PLEKHG3: variants seen among roughly 807,000 people sequenced by gnomAD.
PLEKHG3 encodes the protein pleckstrin homology and RhoGEF domain containing G3.
In PLEKHG3, 62 loss-of-function variants were observed where a neutral mutation model predicts 94.9. The ratio of observed to expected loss-of-function variants is 0.65; its 90% CI spans 0.53 to 0.81. The LOEUF (loss-of-function observed/expected upper bound fraction) is 0.81. PLEKHG3 is among the 30% of genes least tolerant of loss of function. The probability of loss-of-function intolerance (pLI) is 0.00; values close to 1 mark genes in which losing one functional copy is unlikely to be tolerated. For missense variants in PLEKHG3, 1,461 were observed against 1,619.3 expected (o/e 0.90, Z 1.68); for synonymous variants, 614 against 654.0 (o/e 0.94, Z 0.93).
intron 16 of PLEKHG3, 105 bp from the exon 17 acceptor site, chr14:64,742,877 A>C: frequency 8.9e-7 from 1 of 1,120,532 alleles, no homozygotes; most frequent in Non-Finnish European, 1.3e-6. Flanking sequence ...CCAAAACCCC[A>C]ACAACCAGCC....
At chr14:64,705,244 C>A (rs979996988) in intron 1 of PLEKHG3, among the ~76,000 whole-genome samples, 2 of 152,238 alleles carry the variant, frequency 1.3e-5, no homozygotes, top group Admixed American at 1.3e-4. Flanking sequence ...GCCCGGCCAC[C>A]AGCTGCCTCG....
Position 64,743,470 on chromosome 14 carries a change from C to A in PLEKHG3, c.3427C>A (p.Arg1143=), listed in dbSNP as rs368387962. The change falls in exon 17 of 17, where the codon CGG becomes AGG. Residue 1143 remains arginine, a synonymous_variant. Coordinates refer to ENST00000247226, the MANE Select transcript of PLEKHG3 (RefSeq NM_001308147.2). The surrounding 1 kb of genome is among the most constrained non-coding windows in gnomAD (Gnocchi z 7.2). ...AGACCTCACCCTGGAGGACAACCGG[C>A]GGGTGATTGTCATGGAGAAGGGACC... ...TADLTLEDNR[R]VIVMEKGPLP... is the part of the protein sequence containing the mutation. 6.2e-7 allele frequency: 1 copy of A among 1,613,144 alleles called. No homozygotes were observed. The highest frequency in any genetic ancestry group is 1.1e-5 in the South Asian group (1 of 91,086).
At chr14:64,734,400 T>C (rs1300231161) in intron 12 of PLEKHG3, among the ~76,000 whole-genome samples, 1 of 152,242 alleles carries the variant, frequency 6.6e-6, no homozygotes, top group Non-Finnish European at 1.5e-5. Context: ...ACGTTGGTGG[T>C]AGTGATAGTA....
At position 64,726,080 on chromosome 14, in the gene PLEKHG3, T is replaced by C. The variant is rs2081347207; in HGVS notation, c.-39-1513T>C. Among the ~76,000 whole-genome samples, 1 of 152,112 alleles carries C rather than the reference T, an allele frequency of 6.6e-6. No homozygotes were observed. The highest frequency in any genetic ancestry group is 2.1e-4 in the South Asian group (1 of 4,828). Reference sequence around the variant, plus strand: ...GAAGGTTCCTGGAGGGGGCGATGTCTAATTGGAGACCTAAAGATTGGATGT... The same window carrying C: ...GAAGGTTCCTGGAGGGGGCGATGTCCAATTGGAGACCTAAAGATTGGATGT... On this transcript the variant is annotated intron_variant, in intron 1 of 16. Transcript: ENST00000247226. The surrounding 1 kb of genome is among the most constrained non-coding windows in gnomAD (Gnocchi z 5.1).
Position 64,725,044 on chromosome 14 carries a change from C to G in PLEKHG3, c.-39-2549C>G, listed in dbSNP as rs893979388. Among the ~76,000 whole-genome samples the G allele has an allele frequency of 1.3e-5, 2 of 152,222 alleles. No individual in the cohort carries two copies. Among genetic ancestry groups the G allele is most frequent in the African/African-American group, 4.8e-5 (2 of 41,430 alleles). On this transcript the variant is annotated intron_variant, in intron 1 of 16. Transcript: ENST00000247226. This position sits in a 1 kb window ranked among gnomAD's most constrained non-coding sequence, Gnocchi z 5.0. ...AGTTTGCAGACAGGTAGCCTATGAT[C>G]AATCAGAGAGAAAACTTCTGTAAGT... is the stretch of plus-strand genomic sequence containing the variant.
intron 1 of PLEKHG3, among the ~76,000 whole-genome samples, chr14:64,719,946 G>A (rs1158732000): frequency 6.6e-6 from 1 of 152,198 alleles, no homozygotes; most frequent in Non-Finnish European, 1.5e-5. Context: ...GATTTCCAGG[G>A]GGTAATTTCT....
In PLEKHG3 at chr14:64,741,902, A is replaced by G; in HGVS notation, c.2385A>G (p.Ala795=). ...ALFELPGPSQ[A]VKGDPPPISD... is the part of the protein sequence containing the mutation. ...TTGAGCTCCCAGGACCAAGCCAGGC[A>G]GTCAAAGGGGACCCACCTCCCATCT... The change falls in exon 16 of 17, where the codon GCA becomes GCG. Residue 795 remains alanine (A), a synonymous_variant. Coordinates refer to ENST00000247226, the MANE Select transcript of PLEKHG3 (RefSeq NM_001308147.2). 1 of 1,599,518 alleles carries G rather than the reference A, an allele frequency of 6.3e-7. No homozygotes were observed. Among genetic ancestry groups the G allele is most frequent in the South Asian group, 1.1e-5 (1 of 89,142 alleles).
intron 12 of PLEKHG3, among the ~76,000 whole-genome samples, chr14:64,734,179 C>T (rs893764634): frequency 2.0e-5 from 3 of 152,016 alleles, no homozygotes; most frequent in African/African-American, 7.3e-5. Context: ...GATCTTGAGC[C>T]CTAGGCCACC....
Position 64,727,625 on chromosome 14 carries a change from T to G in PLEKHG3, c.-7T>G. 1 of 1,581,510 alleles carries G rather than the reference T, an allele frequency of 6.3e-7. No homozygotes were observed. Among genetic ancestry groups the G allele is most frequent in the East Asian group, 2.3e-5 (1 of 44,080 alleles). Reference sequence around the variant, plus strand: ...CTGGGGTGCCCTCCCCAGGCAGCAATGCCAGGATGCCTGTGTCCACCTCCC... The same window carrying G: ...CTGGGGTGCCCTCCCCAGGCAGCAAGGCCAGGATGCCTGTGTCCACCTCCC... On this transcript the variant is annotated 5_prime_UTR_variant, in exon 2 of 17. The change abolishes an upstream ATG in the 5' untranslated region. Coordinates refer to ENST00000247226, the MANE Select transcript of PLEKHG3 (RefSeq NM_001308147.2). This position sits in a 1 kb window ranked among gnomAD's most constrained non-coding sequence, Gnocchi z 6.0.
At chr14:64,724,920 T>G (rs1249955838) in intron 1 of PLEKHG3, among the ~76,000 whole-genome samples, 1 of 152,120 alleles carries the variant, frequency 6.6e-6, no homozygotes, top group Admixed American at 6.6e-5. Context: ...CCTTCTGGAG[T>G]TGTTGCAAGG....
chr14:64,730,897 C>T lies in PLEKHG3; in HGVS notation c.665C>T (p.Ser222Phe), dbSNP rs1260627384. 1.9e-6 allele frequency: 3 copies of T among 1,613,194 alleles called. No homozygotes were observed. The highest frequency in any genetic ancestry group is 1.1e-5 in the South Asian group (1 of 91,082). The stretch of plus-strand genomic sequence containing the variant: ...CTACAGCACTCGCTGCCCTTGGGCT[C>T]CTACCTGCTGAAGCCAGTCCAGCGC... The part of the protein sequence containing the change: ...ELLQHSLPLG[S>F]YLLKPVQRIL... Residue 222 changes from serine to phenylalanine, a missense_variant, in exon 6 of 17, where the codon TCC (serine) becomes TTC (phenylalanine). Physicochemically the swap from Ser to Phe is radical, Grantham distance 155. This residue lies in a region of PLEKHG3 where 253 missense variants were observed against 297.8 expected (regional missense o/e 0.85). Transcript: ENST00000247226. This position sits in a 1 kb window ranked among gnomAD's most constrained non-coding sequence, Gnocchi z 5.4.
chr14:64,706,300 C>A (rs1179133515), intron 1 of PLEKHG3, among the ~76,000 whole-genome samples: 1 of 152,152 alleles, frequency 6.6e-6, no homozygotes, highest in African/African-American at 2.4e-5. Context: ...GGCAGCAGAG[C>A]CCAGAGGGGT....
In PLEKHG3 at chr14:64,730,400, C is replaced by A; in HGVS notation, c.519+88C>A. The A allele has an allele frequency of 1.1e-6, 1 of 911,328 alleles. No homozygotes were observed. The highest frequency in any genetic ancestry group is 1.4e-5 in the South Asian group (1 of 70,804). The allele number at this position is 911,328 out of a possible 1,614,324, so 56.5% of individuals were successfully genotyped here. A position where few individuals can be genotyped will look rare whatever the true frequency, so the allele number is the denominator to read the frequency against. ...GCCAGCATAAGAGGACATCTGAGTCCTGGGGATTCCTTTCCAGGGAAAGTC... is the reference window on the plus strand; with the variant it reads ...GCCAGCATAAGAGGACATCTGAGTCATGGGGATTCCTTTCCAGGGAAAGTC... On this transcript the variant is annotated intron_variant, in intron 4 of 16. Coordinates refer to ENST00000247226, the MANE Select transcript of PLEKHG3 (RefSeq NM_001308147.2). This position sits in a 1 kb window ranked among gnomAD's most constrained non-coding sequence, Gnocchi z 5.4.
rs200228159 is a variant in PLEKHG3, at chr14:64,749,447, G to A, written c.*5744G>A. 215 of 1,602,284 alleles carry A rather than the reference G, an allele frequency of 1.3e-4. No individual in the cohort carries two copies. In the East Asian group the frequency reaches 4.4e-3, roughly 32 times the overall value. On this transcript the variant is annotated 3_prime_UTR_variant, in exon 17 of 17. Transcript: ENST00000247226. The surrounding 1 kb of genome is among the most constrained non-coding windows in gnomAD (Gnocchi z 4.7). The stretch of plus-strand genomic sequence containing the variant: ...GGGACTCGTTGATGGCGGTGCTCAC[G>A]CCCTGCAGCCAGGACAGCATCTCCT...
In PLEKHG3 at chr14:64,732,569, G is replaced by A; in HGVS notation, c.1246+109G>A. Reference sequence around the variant, plus strand: ...TAATTTTATTCCAGGAGCAGGGAGGGCGGGGGTCTCCTGTTAAGGGCTGGG... The same window carrying A: ...TAATTTTATTCCAGGAGCAGGGAGGACGGGGGTCTCCTGTTAAGGGCTGGG... On this transcript the variant is annotated intron_variant, in intron 11 of 16. Coordinates refer to ENST00000247226, the MANE Select transcript of PLEKHG3 (RefSeq NM_001308147.2). This position sits in a 1 kb window ranked among gnomAD's most constrained non-coding sequence, Gnocchi z 4.9. 9.8e-7 allele frequency: 1 copy of A among 1,018,842 alleles called. No individual in the cohort carries two copies. The allele number at this position is 1,018,842 out of a possible 1,614,324, so 63.1% of individuals were successfully genotyped here. A position where few individuals can be genotyped will look rare whatever the true frequency, so the allele number is the denominator to read the frequency against.
chr14:64,705,894 G>A (rs112804026), intron 1 of PLEKHG3, among the ~76,000 whole-genome samples: 33 of 152,172 alleles, frequency 2.2e-4, no homozygotes, highest in Admixed American at 1.8e-3. Flanking sequence ...CTGTGGTTCC[G>A]GGCTGGCCCC....
In PLEKHG3 at chr14:64,739,644, C is replaced by T. The variant is rs1431085935; in HGVS notation, c.1518+789C>T. On this transcript the variant is annotated intron_variant, in intron 15 of 16. Transcript: ENST00000247226. The surrounding 1 kb of genome is among the most constrained non-coding windows in gnomAD (Gnocchi z 4.1). ...CTACGTGGGTAGCTTAGTTATTGCT[C>T]ACAGTTTTGGAGGCTGGAAATTCTA... Among the ~76,000 whole-genome samples the T allele has an allele frequency of 6.6e-6, 1 of 152,228 alleles. No homozygotes were observed. Among genetic ancestry groups the T allele is most frequent in the African/African-American group, 2.4e-5 (1 of 41,456 alleles).
At position 64,749,282 on chromosome 14, in the gene PLEKHG3, C is replaced by G. The variant is rs369148076; in HGVS notation, c.*5579C>G. 306 of 1,557,908 alleles carry G rather than the reference C, an allele frequency of 2.0e-4. 1 individual carries two copies. The Middle Eastern group carries it at 3.4e-3, about 17-fold the overall frequency. On this transcript the variant is annotated 3_prime_UTR_variant, in exon 17 of 17. Transcript: ENST00000247226. This position sits in a 1 kb window ranked among gnomAD's most constrained non-coding sequence, Gnocchi z 4.7. Reference sequence around the variant, plus strand: ...GCCCGGTCTCTGCGCGTCCCGACTCCGCCGCGCCCGCCAGCCCCACCTGCT... The same window carrying G: ...GCCCGGTCTCTGCGCGTCCCGACTCGGCCGCGCCCGCCAGCCCCACCTGCT...
At position 64,722,807 on chromosome 14, in the gene PLEKHG3, G is replaced by C. The variant is rs2081286793; in HGVS notation, c.-39-4786G>C. On this transcript the variant is annotated intron_variant, in intron 1 of 16. Coordinates refer to ENST00000247226, the MANE Select transcript of PLEKHG3 (RefSeq NM_001308147.2). This position sits in a 1 kb window ranked among gnomAD's most constrained non-coding sequence, Gnocchi z 4.3. ...TGCCTTGTCCTCAACTCACTGGCCT[G>C]GGAGGGAGAGCCAGTGGGAGTGGGC... Among the ~76,000 whole-genome samples, 1 of 152,180 alleles carries C rather than the reference G, an allele frequency of 6.6e-6. No homozygotes were observed. The highest frequency in any genetic ancestry group is 2.4e-5 in the African/African-American group (1 of 41,452).
Sources: allele counts gnomAD v4.1 joint callset (sites outside exome capture counted in the v4.1 genomes callset), GRCh38; gene constraint gnomAD v4.1.1; regional missense constraint gnomAD v4.1.1; non-coding constraint Gnocchi (gnomAD v3.1); transcripts MANE v1.5; gene names NCBI Gene and HGNC (gene_info 2026-07-23, HGNC 2026-07-21).